Variants in KAZN observed in about 807,000 individuals in gnomAD.
KAZN encodes the protein kazrin, periplakin interacting protein, also known as kazrin.
KAZN carries 40 observed loss-of-function variants against 87.4 expected under a neutral mutation model. The observed-to-expected ratio is 0.46, with a 90% CI of 0.36 to 0.60. The LOEUF is 0.60. KAZN is among the 20% of genes least tolerant of loss of function. The pLI, the probability that KAZN is intolerant of heterozygous loss-of-function variation, is 0.00. For synonymous variants in KAZN, 466 were observed against 458.3 expected (o/e 1.02, Z -0.22); for missense variants, 898 against 1,073.9 (o/e 0.84, Z 2.29).
intron 1 of KAZN, among the ~76,000 whole-genome samples, chr1:14,091,053 A>G (rs1020730933): frequency 6.9e-6 from 1 of 145,118 alleles, no homozygotes; most frequent in Non-Finnish European, 1.5e-5. Flanking sequence ...CAGAGGTTGC[A>G]GTGAGCTGAG....
chr1:14,668,904 G>A (rs766485785), intron 1 of KAZN, among the ~76,000 whole-genome samples: 12 of 152,164 alleles, frequency 7.9e-5, no homozygotes, highest in East Asian at 1.9e-4. Flanking sequence ...AGGAGTTTGC[G>A]TTTGGAATTC....
chr1:14,823,868 C>G lies in KAZN; in HGVS notation c.227-136816C>G, dbSNP rs193268718. ...GTGGCTTGCGCCTGTGATCCCAGCA[C>G]TTTAGGAGGCCAAGGCAGACGGATC... On this transcript the variant is annotated intron_variant, in intron 1 of 14. Coordinates refer to ENST00000376030, the MANE Select transcript of KAZN (RefSeq NM_201628.3). Among the ~76,000 whole-genome samples, 68 of 152,236 alleles carry G rather than the reference C, an allele frequency of 4.5e-4. No homozygotes were observed. The East Asian group carries it at 0.012, about 27-fold the overall frequency.
At chr1:15,000,235 A>T (rs1483053566) in intron 2 of KAZN, among the ~76,000 whole-genome samples, 1 of 149,712 alleles carries the variant, frequency 6.7e-6, no homozygotes, top group African/African-American at 2.6e-5. Context: ...CAGCCATGGG[A>T]TGCAGGCGGC....
At chr1:14,804,645 A>G (rs11590716) in intron 1 of KAZN, among the ~76,000 whole-genome samples, 17,158 of 152,230 alleles carry the variant, frequency 0.11, 1,775 homozygotes, top group East Asian at 0.5. Context: ...TTGCAATGGA[A>G]AAAGAGGCCT....
intron 2 of KAZN, among the ~76,000 whole-genome samples, chr1:14,970,141 A>AT (rs1165847388): frequency 1.3e-5 from 2 of 152,284 alleles, no homozygotes; most frequent in African/African-American, 4.8e-5. Flanking sequence ...AATAATTAAT[A>AT]ATCATCATCA....
intron 2 of KAZN, among the ~76,000 whole-genome samples, chr1:14,413,757 GCAAA>G (rs1664515218): frequency 6.6e-6 from 1 of 152,072 alleles, no homozygotes; most frequent in African/African-American, 2.4e-5. Flanking sequence ...AAAAGCTACT[GCAAA>G]CAAAGTAAAA....
chr1:14,676,877 G>C (rs1421993554), intron 1 of KAZN, among the ~76,000 whole-genome samples: 1 of 152,190 alleles, frequency 6.6e-6, no homozygotes, highest in Non-Finnish European at 1.5e-5. Context: ...TTATGGAGTA[G>C]TGATGGTTGC....
In KAZN at chr1:15,070,635, C is replaced by A. The variant is rs779387817; in HGVS notation, c.1222+4882C>A. Among the ~76,000 whole-genome samples, 3 of 152,188 alleles carry A rather than the reference C, an allele frequency of 2.0e-5. No individual in the cohort carries two copies. The South Asian group carries it at 6.2e-4, about 32-fold the overall frequency. On this transcript the variant is annotated intron_variant, in intron 8 of 14. Transcript: ENST00000376030. ...GAATCCAGGCAGAGTGAGCCTGAAC[C>A]GTGGGGGACATCAGTCGTTTGACAA...
chr1:14,577,610 C>T (rs548214514), intron 2 of KAZN, among the ~76,000 whole-genome samples: 1 of 152,258 alleles, frequency 6.6e-6, no homozygotes, highest in South Asian at 2.1e-4. Context: ...TGCTAGTGGT[C>T]AGCACATGGT....
intron 1 of KAZN, among the ~76,000 whole-genome samples, chr1:13,995,952 GGAAAAGAACCATAATAAGT>G (rs1401239242): frequency 7.9e-5 from 12 of 152,200 alleles, no homozygotes; most frequent in Non-Finnish European, 1.6e-4. Flanking sequence ...AGGCTCCCAT[GGAAAAGAACCATAATAAGT>G]GAAAAGAACC....
rs545230131 is a variant in KAZN at position 14,226,666 on chromosome 1, A to G, written c.249+46074A>G. ...AGAATCAACCTGGATTCCCATCAACAGTGGACTGGATAAAGAGAACATGGT... is the reference window on the plus strand; with the variant it reads ...AGAATCAACCTGGATTCCCATCAACGGTGGACTGGATAAAGAGAACATGGT... On this transcript the variant is annotated intron_variant, in intron 2 of 16. Transcript: ENST00000636203. Among the ~76,000 whole-genome samples, 46 of 152,324 alleles carry G rather than the reference A, an allele frequency of 3.0e-4. No homozygotes were observed. The East Asian group carries it at 4.4e-3, about 15-fold the overall frequency.
chr1:13,909,927 C>G (rs1252921934), intron 1 of KAZN, among the ~76,000 whole-genome samples: 4 of 152,100 alleles, frequency 2.6e-5, no homozygotes, highest in Admixed American at 1.3e-4. Context: ...TCGTTTAAAC[C>G]CAGATGATGG....
chr1:15,112,366 T>G, intron 13 of KAZN, 61 bp from the exon 14 acceptor site: 3 of 612,548 alleles, frequency 4.9e-6, no homozygotes, highest in Admixed American at 2.4e-5. Flanking sequence ...TGTGTGTGTG[T>G]GTGTGTGTCT....
intron 1 of KAZN, among the ~76,000 whole-genome samples, chr1:13,920,123 G>A (rs55741004): frequency 2.0e-5 from 3 of 151,460 alleles, no homozygotes; most frequent in Non-Finnish European, 2.9e-5. Context: ...GGTGGCATGC[G>A]ACTGTAGTCC....
intron 1 of KAZN, among the ~76,000 whole-genome samples, chr1:13,967,423 C>T (rs1334673890): frequency 3.9e-5 from 6 of 152,178 alleles, no homozygotes; most frequent in Admixed American, 3.9e-4. Context: ...CCCAATAATA[C>T]ATTGAGGCGA....
intron 2 of KAZN, among the ~76,000 whole-genome samples, chr1:14,524,747 TG>T (rs1671776033): frequency 6.6e-6 from 1 of 152,148 alleles, no homozygotes; most frequent in Admixed American, 6.5e-5. Context: ...CTGAAAGAAA[TG>T]TGAACAGTAC....
chr1:14,570,120 TTAA>T (rs1433271865), intron 2 of KAZN, among the ~76,000 whole-genome samples: 2 of 151,882 alleles, frequency 1.3e-5, no homozygotes, highest in African/African-American at 4.8e-5. Flanking sequence ...CTCAAAAAAA[TTAA>T]TAATAAAAAA....
At chr1:14,587,564 G>C (rs1165961703) in intron 2 of KAZN, among the ~76,000 whole-genome samples, 1 of 152,058 alleles carries the variant, frequency 6.6e-6, no homozygotes, top group Non-Finnish European at 1.5e-5. Context: ...GGCAAAGTGG[G>C]AGCAGGCATG....
At chr1:14,810,010 T>C (rs560392515) in intron 1 of KAZN, among the ~76,000 whole-genome samples, 1 of 152,280 alleles carries the variant, frequency 6.6e-6, no homozygotes, top group African/African-American at 2.4e-5. Flanking sequence ...TCTTGTGCAT[T>C]GCAGGTGCAT....
Sources: gnomAD v4.1 joint callset for allele counts (sites outside exome capture counted in the v4.1 genomes callset) on GRCh38, gnomAD v4.1.1 for gene constraint, MANE v1.5 for transcripts, NCBI Gene and HGNC (gene_info 2026-07-23, HGNC 2026-07-21) for gene names.